Variants in GABBR2 observed in about 807,000 individuals in gnomAD.
GABBR2 encodes the protein G-protein coupled receptor 51.
In GABBR2, 23 loss-of-function variants were observed where a neutral mutation model predicts 105.6. The observed-to-expected ratio is 0.22, with a 90% CI of 0.16 to 0.31. The LOEUF (loss-of-function observed/expected upper bound fraction) is 0.31. Ranked by LOEUF, GABBR2 falls within the 10% of genes least tolerant of loss-of-function variation. The pLI is 1.00. For synonymous variants in GABBR2, 478 were observed against 499.7 expected (o/e 0.96, Z 0.58); for missense variants, 734 against 1,245.5 (o/e 0.59, Z 6.18).
intron 1 of GABBR2, among the ~76,000 whole-genome samples, chr9:98,657,434 T>TA (rs1282925560): frequency 6.6e-6 from 1 of 152,250 alleles, no homozygotes; most frequent in Non-Finnish European, 1.5e-5. Context: ...CCATTTCCCT[T>TA]ACGCCTGTTC....
intron 6 of GABBR2, among the ~76,000 whole-genome samples, chr9:98,455,308 T>C (rs1378975505): frequency 6.6e-6 from 1 of 152,204 alleles, no homozygotes; most frequent in Non-Finnish European, 1.5e-5. Flanking sequence ...GGGGGACCCA[T>C]TACCCTCAGC....
At position 98,290,754 on chromosome 9, in the gene GABBR2, A is replaced by G; in HGVS notation, c.2661-5T>C. ...AGGGACAGCCGACGCTGGATGCTGA[A>G]GAGAAGGAGAGGGAGGAGTGTTAGT... On this transcript the variant is annotated splice_polypyrimidine_tract_variant and splice_region_variant and intron_variant, in intron 18 of 18. Coordinates refer to ENST00000259455, the MANE Select transcript of GABBR2 (RefSeq NM_005458.8). The G allele has an allele frequency of 6.8e-7, 1 of 1,474,976 alleles. No homozygotes were observed. The highest frequency in any genetic ancestry group is 8.9e-7 in the Non-Finnish European group (1 of 1,122,890). 91.4% of individuals were successfully genotyped at this position (1,474,976 alleles called of 1,614,324 possible).
At position 98,306,396 on chromosome 9, in the gene GABBR2, C is replaced by T; in HGVS notation, c.2005-51G>A. On this transcript the variant is annotated intron_variant, in intron 14 of 18. Coordinates refer to ENST00000259455, the MANE Select transcript of GABBR2 (RefSeq NM_005458.8). The surrounding 1 kb of genome is among the most constrained non-coding windows in gnomAD (Gnocchi z 5.4). The stretch of plus-strand genomic sequence containing the variant: ...AGATGATCGTTACCAAGGGGTGGCA[C>T]ACACAGGCTGCTCTGAGAAGCTGTG... 7.7e-7 allele frequency: 1 copy of T among 1,301,416 alleles called. No individual in the cohort carries two copies. The highest frequency in any genetic ancestry group is 1.1e-6 in the Non-Finnish European group (1 of 909,406). The allele number at this position is 1,301,416 out of a possible 1,614,324, so 80.6% of individuals were successfully genotyped here. A position where few individuals can be genotyped will look rare whatever the true frequency, so the allele number is the denominator to read the frequency against.
At chr9:98,512,550 A>G (rs1424679522) in intron 3 of GABBR2, among the ~76,000 whole-genome samples, 1 of 152,230 alleles carries the variant, frequency 6.6e-6, no homozygotes, top group Non-Finnish European at 1.5e-5. Context: ...CAGCAACTTC[A>G]GCAAAGTCTC....
At chr9:98,558,402 T>C (rs1828619654) in intron 2 of GABBR2, among the ~76,000 whole-genome samples, 1 of 152,216 alleles carries the variant, frequency 6.6e-6, no homozygotes, top group Non-Finnish European at 1.5e-5. Context: ...TTTAGTGATC[T>C]ATTAGTTATG....
intron 13 of GABBR2, among the ~76,000 whole-genome samples, chr9:98,352,374 G>GTGGC (rs1831414644): frequency 6.6e-6 from 1 of 152,214 alleles, no homozygotes; most frequent in South Asian, 2.1e-4. Context: ...GGCAGAAGAG[G>GTGGC]TGGCTGGTCA....
Position 98,541,942 on chromosome 9 carries a change from C to G in GABBR2, c.561G>C (p.Leu187=), listed in dbSNP as rs1235932813. Residue 187 remains leucine, a synonymous_variant, in exon 3 of 19, where the codon CTG becomes CTC. Transcript: ENST00000259455. ...TCCACTGGTAGTGCTTGAGCAACTT[C>G]AGAATGGCTGGATTCACCGCATTGT... ...PSDNAVNPAI[L]KLLKHYQWKR... 1.9e-6 allele frequency: 3 copies of G among 1,614,090 alleles called. No homozygotes were observed. In the African/African-American group the frequency reaches 4.0e-5, roughly 22 times the overall value.
At chr9:98,303,511 TGCTCTGGA>T (rs1476542275) in intron 15 of GABBR2, 88 bp from the exon 16 acceptor site, 9 of 1,216,322 alleles carry the variant, frequency 7.4e-6, no homozygotes, top group Non-Finnish European at 1.1e-5. Context: ...CAGCAGATCC[TGCTCTGGA>T]GGCGATAAGA....
chr9:98,406,347 C>T (rs372358569), intron 7 of GABBR2, among the ~76,000 whole-genome samples: 128 of 152,340 alleles, frequency 8.4e-4, no homozygotes, highest in African/African-American at 3.0e-3. Flanking sequence ...TTGAGGAGAA[C>T]AAAATCAATA....
At position 98,398,329 on chromosome 9, in the gene GABBR2, C is replaced by CG. The variant is rs201828480; in HGVS notation, c.1298-4075_1298-4074insC. 3.2e-3 allele frequency among the ~76,000 whole-genome samples: 489 copies of CG among 150,966 alleles called. 9 individuals carry two copies. Among genetic ancestry groups the CG allele is most frequent in the African/African-American group, 0.011 (460 of 40,312 alleles). On this transcript the variant is annotated intron_variant, in intron 8 of 18. Transcript: ENST00000259455. ...AATGTACTCAATTCTAGGACCCACC[C>CG]CCCAAACTCAGGCATAGAAAAGAGC...
intron 7 of GABBR2, among the ~76,000 whole-genome samples, chr9:98,424,760 G>C (rs975076981): frequency 6.6e-6 from 1 of 152,030 alleles, no homozygotes; most frequent in African/African-American, 2.4e-5. Context: ...AAATACTTAG[G>C]AATCCAACTT....
chr9:98,498,258 T>A (rs539358995), intron 3 of GABBR2, among the ~76,000 whole-genome samples: 108 of 152,076 alleles, frequency 7.1e-4, no homozygotes, highest in African/African-American at 2.5e-3. Flanking sequence ...GATTGTTTAA[T>A]GGGCACAGAG....
At chr9:98,465,136 A>AG (rs1554708840) in intron 6 of GABBR2, among the ~76,000 whole-genome samples, 1 of 149,398 alleles carries the variant, frequency 6.7e-6, no homozygotes, top group Non-Finnish European at 1.5e-5. Flanking sequence ...AAAAAAAAAA[A>AG]AAAAAAAAAA....
intron 1 of GABBR2, among the ~76,000 whole-genome samples, chr9:98,705,228 C>A (rs188157132): frequency 6.6e-6 from 1 of 152,288 alleles, no homozygotes; most frequent in African/African-American, 2.4e-5. Context: ...TGGTGTTACA[C>A]CAGAGAAGCA....
intron 1 of GABBR2, among the ~76,000 whole-genome samples, chr9:98,690,118 C>T (rs1830666694): frequency 6.6e-6 from 1 of 152,192 alleles, no homozygotes; most frequent in African/African-American, 2.4e-5. Flanking sequence ...GCAGGGCTCT[C>T]ATGGAAACAC....
intron 7 of GABBR2, among the ~76,000 whole-genome samples, chr9:98,445,068 A>C: frequency 6.6e-6 from 1 of 152,260 alleles, no homozygotes; most frequent in East Asian, 1.9e-4. Flanking sequence ...GGAAGGCAAC[A>C]GAGTAGAAAA....
At chr9:98,499,681 G>A (rs1322319277) in intron 3 of GABBR2, among the ~76,000 whole-genome samples, 1 of 152,230 alleles carries the variant, frequency 6.6e-6, no homozygotes, top group African/African-American at 2.4e-5. Flanking sequence ...AGACCCTTTA[G>A]TGCACTGATG....
At chr9:98,645,121 C>T (rs1167400834) in intron 1 of GABBR2, among the ~76,000 whole-genome samples, 1 of 152,186 alleles carries the variant, frequency 6.6e-6, no homozygotes, top group East Asian at 1.9e-4. Context: ...TCCTAGGCTT[C>T]TGTCGACCCT....
At chr9:98,408,749 T>C (rs1045489625) in intron 7 of GABBR2, among the ~76,000 whole-genome samples, 3 of 152,222 alleles carry the variant, frequency 2.0e-5, no homozygotes, top group African/African-American at 4.8e-5. Flanking sequence ...ATGAATGCTA[T>C]GAGAAGATCA....
Sources: allele counts gnomAD v4.1 joint callset (sites outside exome capture counted in the v4.1 genomes callset), GRCh38; gene constraint gnomAD v4.1.1; non-coding constraint Gnocchi (gnomAD v3.1); transcripts MANE v1.5; gene names NCBI Gene and HGNC (gene_info 2026-07-23, HGNC 2026-07-21).